Variants in TANC1 observed in about 807,000 individuals in gnomAD.
The protein encoded by TANC1 is tetratricopeptide repeat, ankyrin repeat and coiled-coil containing 1.
In TANC1, 77 loss-of-function variants were observed where a neutral mutation model predicts 149.7. That is an observed-to-expected ratio of 0.51 (90% CI 0.43 to 0.62). The LOEUF (loss-of-function observed/expected upper bound fraction) is 0.62. Among genes scored for constraint, TANC1 ranks in the 20% least tolerant of loss-of-function variants. The pLI is 0.00. For synonymous variants in TANC1, 854 were observed against 925.0 expected (o/e 0.92, Z 1.39); for missense variants, 1,985 against 2,321.8 (o/e 0.85, Z 2.98).
At chr2:159,183,970 A>G (rs1471567338) in intron 14 of TANC1, among the ~76,000 whole-genome samples, 1 of 152,130 alleles carries the variant, frequency 6.6e-6, no homozygotes, top group Admixed American at 6.5e-5. Flanking sequence ...CCCCCGTCAG[A>G]CGTGGTGCCA....
intron 1 of TANC1, among the ~76,000 whole-genome samples, chr2:158,984,859 C>A (rs1476150305): frequency 6.6e-6 from 1 of 152,154 alleles, no homozygotes; most frequent in Non-Finnish European, 1.5e-5. Flanking sequence ...GTTACTAGAA[C>A]GGACGGTGCT....
At chr2:159,069,634 T>A (rs543385709) in intron 3 of TANC1, among the ~76,000 whole-genome samples, 1 of 152,170 alleles carries the variant, frequency 6.6e-6, no homozygotes, top group East Asian at 1.9e-4. Flanking sequence ...GAGTTTACAG[T>A]AGATATAAGA....
chr2:159,038,028 C>T (rs966738317), intron 2 of TANC1, among the ~76,000 whole-genome samples: 11 of 152,304 alleles, frequency 7.2e-5, no homozygotes, highest in South Asian at 6.2e-4. Flanking sequence ...TCTTTTATTT[C>T]GTTGAACAGT....
chr2:159,071,101 C>G (rs2043122676), intron 3 of TANC1, among the ~76,000 whole-genome samples: 1 of 152,156 alleles, frequency 6.6e-6, no homozygotes. Flanking sequence ...ACTTCTGTCC[C>G]TTCTGCCTTC....
At chr2:159,152,264 C>T (rs1321897351) in intron 7 of TANC1, among the ~76,000 whole-genome samples, 1 of 152,130 alleles carries the variant, frequency 6.6e-6, no homozygotes, top group Non-Finnish European at 1.5e-5. Flanking sequence ...CTCTTCTGAG[C>T]TGTCCACCAT....
intron 11 of TANC1, 140 bp downstream of exon 11, chr2:159,172,412 C>A (rs17422056): frequency 0.035 from 27,844 of 789,140 alleles, 669 homozygotes; most frequent in Non-Finnish European, 0.044. Flanking sequence ...AATAGTGATA[C>A]AGTTCTCCAA....
At chr2:159,034,491 G>A (rs1370284048) in intron 2 of TANC1, among the ~76,000 whole-genome samples, 3 of 152,134 alleles carry the variant, frequency 2.0e-5, no homozygotes, top group East Asian at 1.9e-4. Context: ...CAGAGATCCC[G>A]TTTCACTTTT....
chr2:158,992,489 T>C (rs934691058), intron 1 of TANC1, among the ~76,000 whole-genome samples: 12 of 152,086 alleles, frequency 7.9e-5, no homozygotes, highest in African/African-American at 2.7e-4. Flanking sequence ...CATGTACTTA[T>C]AGGCTTTTCT....
At chr2:159,008,103 T>C (rs1436976378) in intron 2 of TANC1, among the ~76,000 whole-genome samples, 5 of 152,150 alleles carry the variant, frequency 3.3e-5, no homozygotes, top group Non-Finnish European at 7.3e-5. Context: ...ATTTTTTGAG[T>C]GGTTTTATTT....
intron 2 of TANC1, among the ~76,000 whole-genome samples, chr2:159,015,942 G>A (rs1053900955): frequency 2.0e-5 from 3 of 152,092 alleles, no homozygotes; most frequent in African/African-American, 7.2e-5. Flanking sequence ...ACATTCTTCT[G>A]TCTTCTTCTG....
At chr2:159,218,286 G>A (rs906144222) in intron 20 of TANC1, among the ~76,000 whole-genome samples, 2 of 152,170 alleles carry the variant, frequency 1.3e-5, no homozygotes, top group African/African-American at 2.4e-5. Context: ...ATGGAATCGC[G>A]TCTCTGCTGA....
rs996112438 is a variant in TANC1 at position 158,989,097 on chromosome 2, T to C, written c.-125-11983T>C. ...ACACTGGGGGAAATAAGCCTCACTA[T>C]TGCAGCTGCTGAGACTGCACGTCTA... is the stretch of plus-strand genomic sequence containing the variant. On this transcript the variant is annotated intron_variant, in intron 1 of 26. Coordinates refer to ENST00000263635, the MANE Select transcript of TANC1 (RefSeq NM_033394.3). Among the ~76,000 whole-genome samples the C allele has an allele frequency of 3.9e-5, 6 of 152,264 alleles. No individual in the cohort carries two copies. In the East Asian group the frequency reaches 5.8e-4, roughly 15 times the overall value.
chr2:159,181,756 T>G (rs2056507286), intron 14 of TANC1, among the ~76,000 whole-genome samples: 1 of 152,252 alleles, frequency 6.6e-6, no homozygotes, highest in African/African-American at 2.4e-5. Context: ...CTTCCTTATC[T>G]ATAAAAAATG....
At chr2:158,986,857 C>A (rs1028233460) in intron 1 of TANC1, among the ~76,000 whole-genome samples, 2 of 152,042 alleles carry the variant, frequency 1.3e-5, no homozygotes, top group Non-Finnish European at 2.9e-5. Context: ...AACAAGTCCT[C>A]AAAATTAGGT....
At chr2:159,229,264 C>T (rs1031205602) in intron 26 of TANC1, among the ~76,000 whole-genome samples, 2 of 152,068 alleles carry the variant, frequency 1.3e-5, no homozygotes, top group African/African-American at 4.8e-5. Context: ...GAGAGATGGG[C>T]ACAGTGTTAC....
rs534085631 is a variant in TANC1, at chr2:159,212,909, G to GA, written c.3245-4587dup. 5.2e-4 allele frequency among the ~76,000 whole-genome samples: 62 copies of GA among 119,788 alleles called. No individual in the cohort carries two copies. The East Asian group carries it at 0.011, about 20-fold the overall frequency. The allele number at this position is 119,788 out of a possible 152,430, so 78.6% of individuals were successfully genotyped here. A position where few individuals can be genotyped will look rare whatever the true frequency, so the allele number is the denominator to read the frequency against. On this transcript the variant is annotated intron_variant, in intron 19 of 26. Transcript: ENST00000263635. Reference sequence around the variant, plus strand: ...CACTCCAGCCTGGGTGACAGGGCGAGACACCGTCTCAAAAAAAAAAAAAAA... The same window carrying GA: ...CACTCCAGCCTGGGTGACAGGGCGAGAACACCGTCTCAAAAAAAAAAAAAAA...
At chr2:158,971,406 A>G (rs1000976394) in intron 1 of TANC1, among the ~76,000 whole-genome samples, 3 of 152,214 alleles carry the variant, frequency 2.0e-5, no homozygotes, top group Non-Finnish European at 4.4e-5. Context: ...CTTTATTTTT[A>G]TCTTTATGAT....
intron 4 of TANC1, among the ~76,000 whole-genome samples, chr2:159,114,662 T>C (rs1006884080): frequency 3.3e-5 from 5 of 152,234 alleles, no homozygotes; most frequent in African/African-American, 9.6e-5. Flanking sequence ...TCTTTTATTA[T>C]TTTTATGGTA....
chr2:159,182,610 A>G (rs1390049992), intron 14 of TANC1, among the ~76,000 whole-genome samples: 3 of 152,078 alleles, frequency 2.0e-5, no homozygotes, highest in Non-Finnish European at 4.4e-5. Flanking sequence ...ATAGTTTCCC[A>G]TCATCTGAAT....
Sources: allele counts gnomAD v4.1 joint callset (sites outside exome capture counted in the v4.1 genomes callset), GRCh38; gene constraint gnomAD v4.1.1; transcripts MANE v1.5; gene names NCBI Gene and HGNC (gene_info 2026-07-23, HGNC 2026-07-21).